HACD1: variants seen among roughly 807,000 people sequenced by gnomAD.
HACD1 encodes the protein very-long-chain (3R)-3-hydroxyacyl-CoA dehydratase 1.
A neutral mutation model predicts 32.0 loss-of-function variants in HACD1; 41 were observed. That is an observed-to-expected ratio of 1.28 (90% CI 1.00 to 1.66). The LOEUF (loss-of-function observed/expected upper bound fraction) is 1.66. HACD1 is among the 40% of genes most tolerant of loss of function. The pLI is 0.00. For synonymous variants in HACD1, 142 were observed against 139.0 expected (o/e 1.02, Z -0.15); for missense variants, 396 against 380.1 (o/e 1.04, Z -0.35).
chr10:17,601,036 CTT>C (rs1167513592), intron 4 of HACD1, among the ~76,000 whole-genome samples: 21 of 141,048 alleles, frequency 1.5e-4, no homozygotes, highest in East Asian at 2.1e-4. Context: ...TTGCCTTGTT[CTT>C]TTTTTTTTTT....
intron 4 of HACD1, among the ~76,000 whole-genome samples, chr10:17,601,330 G>A (rs1413654684): frequency 2.6e-5 from 4 of 151,758 alleles, no homozygotes; most frequent in South Asian, 4.2e-4. Flanking sequence ...CACCCCACCC[G>A]CCCACCTTAT....
chr10:17,616,779 G>A (rs1297515084), intron 1 of HACD1, among the ~76,000 whole-genome samples: 1 of 152,016 alleles, frequency 6.6e-6, no homozygotes, highest in Non-Finnish European at 1.5e-5. Context: ...AGCAGCGAAG[G>A]CAGCGGCGCC....
chr10:17,593,584 G>A (rs45439500), intron 6 of HACD1, among the ~76,000 whole-genome samples: 1 of 152,082 alleles, frequency 6.6e-6, no homozygotes, highest in African/African-American at 2.4e-5. Context: ...CAAAGTGCTG[G>A]GATTATAGGC....
chr10:17,604,349 G>T (rs1352930264), intron 1 of HACD1, among the ~76,000 whole-genome samples: 1 of 152,014 alleles, frequency 6.6e-6, no homozygotes, highest in Non-Finnish European at 1.5e-5. Flanking sequence ...GCCGGGTGTG[G>T]TGGCGGGCGC....
At chr10:17,598,278 A>AAAG (rs370233736) in intron 5 of HACD1, among the ~76,000 whole-genome samples, 8,625 of 145,748 alleles carry the variant, frequency 0.059, 361 homozygotes, top group Middle Eastern at 0.1. Context: ...AAAAAAAAAA[A>AAAG]AGAGAAAAAA....
intron 1 of HACD1, 28 bp downstream of exon 1, chr10:17,617,055 G>T (rs1197645852): frequency 6.9e-7 from 1 of 1,450,162 alleles, no homozygotes; most frequent in South Asian, 1.4e-5. Context: ...CGCGGGGAGG[G>T]CCCGAGGGTG....
intron 1 of HACD1, among the ~76,000 whole-genome samples, chr10:17,614,198 T>G (rs1833035750): frequency 1.3e-5 from 2 of 152,172 alleles, no homozygotes; most frequent in African/African-American, 4.8e-5. Context: ...ATCCCAGCAC[T>G]TTGGGAAGCC....
chr10:17,603,870 A>C, intron 2 of HACD1, 60 bp downstream of exon 2: 1 of 1,505,682 alleles, frequency 6.6e-7, no homozygotes, highest in Non-Finnish European at 9.2e-7. Context: ...GATTTTGCAC[A>C]ACAAAAAATG....
At chr10:17,594,405 A>G (rs782685114) in intron 5 of HACD1, 22 bp from the exon 6 acceptor site, 1 of 1,433,492 alleles carries the variant, frequency 7.0e-7, no homozygotes, top group East Asian at 2.4e-5. Flanking sequence ...AAAACCTCAG[A>G]GAATTATTTT....
chr10:17,616,709 C>T (rs1178065706), intron 1 of HACD1, among the ~76,000 whole-genome samples: 1 of 151,908 alleles, frequency 6.6e-6, no homozygotes, highest in African/African-American at 2.4e-5. Context: ...CCAGCGATCG[C>T]AGCATGAAGC....
intron 4 of HACD1, among the ~76,000 whole-genome samples, chr10:17,602,244 A>G (rs1834081065): frequency 1.3e-5 from 2 of 151,868 alleles, no homozygotes; most frequent in South Asian, 4.2e-4. Flanking sequence ...TGATTTTTGT[A>G]TTTTTGGTAG....
intron 1 of HACD1, among the ~76,000 whole-genome samples, chr10:17,608,118 T>C (rs1834174756): frequency 6.6e-6 from 1 of 152,078 alleles, no homozygotes; most frequent in Non-Finnish European, 1.5e-5. Flanking sequence ...TCAGCAATCT[T>C]CCCACCTCAG....
chr10:17,602,330 C>T (rs562340885), intron 4 of HACD1, among the ~76,000 whole-genome samples: 1 of 152,038 alleles, frequency 6.6e-6, no homozygotes, highest in South Asian at 2.1e-4. Flanking sequence ...CTTGGCCTCC[C>T]AAAGTGCTGG....
rs782432832 is a variant in HACD1 at position 17,599,431 on chromosome 10, C to A, written c.484-20G>T. 41 of 1,608,662 alleles carry A rather than the reference C, an allele frequency of 2.5e-5. No individual in the cohort carries two copies. The highest frequency in any genetic ancestry group is 3.4e-5 in the Non-Finnish European group (40 of 1,178,270). On this transcript the variant is annotated intron_variant, in intron 4 of 6. Coordinates refer to ENST00000361271, the MANE Select transcript of HACD1 (RefSeq NM_014241.4). ...CTGGATCTGCAGAATTACAGAGAAA[C>A]CCAGTGTCATTCAACCTAGAACTTA... is the stretch of plus-strand genomic sequence containing the variant.
chr10:17,615,923 G>C (rs192531224), intron 1 of HACD1: 32 of 383,844 alleles, frequency 8.3e-5, no homozygotes, highest in Non-Finnish European at 1.3e-4. Flanking sequence ...AGCGGAGATC[G>C]CGCCAATGCA....
chr10:17,603,927 T>TA lies in HACD1; in HGVS notation c.375+2dup. ...TAGAAAAACAGCATGATGGAAAACT[T>TA]ACCTCAAGCAAGGCAAATGTCTGGA... is the stretch of plus-strand genomic sequence containing the variant. On this transcript the variant is annotated splice_region_variant and intron_variant, in intron 2 of 6. Coordinates refer to ENST00000361271, the MANE Select transcript of HACD1 (RefSeq NM_014241.4). The TA allele has an allele frequency of 6.3e-7, 1 of 1,588,460 alleles. No homozygotes were observed. The highest frequency in any genetic ancestry group is 8.6e-7 in the Non-Finnish European group (1 of 1,159,010).
intron 1 of HACD1, among the ~76,000 whole-genome samples, chr10:17,609,489 G>A (rs1156981563): frequency 1.3e-5 from 2 of 152,008 alleles, no homozygotes; most frequent in Non-Finnish European, 2.9e-5. Flanking sequence ...TACCCAAGAA[G>A]ATATATGATT....
intron 1 of HACD1, among the ~76,000 whole-genome samples, chr10:17,612,870 C>T (rs1232538044): frequency 2.7e-5 from 4 of 150,010 alleles, no homozygotes; most frequent in Non-Finnish European, 4.4e-5. Flanking sequence ...TGCAGTGAGC[C>T]GAGATCTCCC....
chr10:17,599,557 C>A, intron 4 of HACD1, 146 bp from the exon 5 acceptor site: 1 of 1,284,694 alleles, frequency 7.8e-7, no homozygotes, highest in South Asian at 1.7e-5. Flanking sequence ...ATGCAGTCAC[C>A]ATTAACATAA....
Sources: gnomAD v4.1 joint callset for allele counts (sites outside exome capture counted in the v4.1 genomes callset) on GRCh38, gnomAD v4.1.1 for gene constraint, MANE v1.5 for transcripts, NCBI Gene and HGNC (gene_info 2026-07-23, HGNC 2026-07-21) for gene names.